Variants in KHNYN observed in about 807,000 individuals in gnomAD.
KHNYN encodes KH and NYN domain containing, also known as protein KHNYN.
A neutral mutation model predicts 62.7 loss-of-function variants in KHNYN; 42 were observed. The observed-to-expected ratio is 0.67, with a 90% CI of 0.52 to 0.87. KHNYN has a LOEUF of 0.87. Among genes scored for constraint, KHNYN ranks in the 40% least tolerant of loss-of-function variants. The pLI is 0.00. For missense variants in KHNYN, 829 were observed against 874.1 expected, an observed-to-expected ratio of 0.95 and a Z score of 0.65; for synonymous variants, 347 against 345.6, an observed-to-expected ratio of 1.00 and a Z score of -0.04.
upstream of KHNYN, chr14:24,428,412 G>T (rs1003624867): frequency 6.2e-7 from 1 of 1,613,708 alleles, no homozygotes; most frequent in East Asian, 2.2e-5. Context: ...GGACCTGGGG[G>T]AAGCAGAGCC....
At position 24,432,978 on chromosome 14, in the gene KHNYN, C is replaced by G. The variant is rs2043147803; in HGVS notation, c.1523C>G (p.Ser508Cys). Residue 508 changes from serine (S) to cysteine (C), a missense_variant, in exon 5 of 8, where the codon TCC (serine) becomes TGC (cysteine). Ser to Cys is a moderately radical substitution (Grantham distance 112). This residue lies in a region of KHNYN where 270 missense variants were observed against 347.1 expected (regional missense o/e 0.78). Transcript: ENST00000553935. This position sits in a 1 kb window ranked among gnomAD's most constrained non-coding sequence, Gnocchi z 5.6. ...AAGCTGTATTCCCTCAGCCTGCTCT[C>G]CCTCACACCCTCACGAGTCATGGAT... ...LQKLYSLSLL[S>C]LTPSRVMDGK... 1 of 1,614,106 alleles carries G rather than the reference C, an allele frequency of 6.2e-7. No individual in the cohort carries two copies. The highest frequency in any genetic ancestry group is 8.5e-7 in the Non-Finnish European group (1 of 1,180,038).
rs1307088367 is a variant in KHNYN, at chr14:24,432,100, CGTG to C, written c.841_843del (p.Trp281del). The C allele has an allele frequency of 5.1e-6, 8 of 1,556,916 alleles. No homozygotes were observed. In the South Asian group the frequency reaches 9.8e-5, roughly 19 times the overall value. On this transcript the variant is annotated inframe_deletion, in exon 3 of 8. Coordinates refer to ENST00000553935, the MANE Select transcript of KHNYN (RefSeq NM_015299.3). This position sits in a 1 kb window ranked among gnomAD's most constrained non-coding sequence, Gnocchi z 5.6. ...TGGAAGGAGTTGCCTGGGGAAGAGG[CGTG>C]GGAGAGAGAAGTGGCCCTCAGGCCA... is the stretch of plus-strand genomic sequence containing the variant.
upstream of KHNYN, chr14:24,427,825 G>A (rs1566492895): frequency 1.9e-6 from 3 of 1,614,148 alleles, no homozygotes; most frequent in Non-Finnish European, 2.5e-6. The surrounding 1 kb of genome is among the most constrained non-coding windows in gnomAD (Gnocchi z 4.4). Context: ...AGAAACTTGA[G>A]TATTTCCAAC....
intron 2 of KHNYN, 32 bp downstream of exon 2, chr14:24,430,963 C>T: frequency 6.3e-7 from 1 of 1,584,344 alleles, no homozygotes; most frequent in African/African-American, 1.3e-5. Flanking sequence ...TCCCTCCAGG[C>T]ACCAAGGACG....
chr14:24,440,860 A>G lies in KHNYN; in HGVS notation c.*3575A>G. The G allele has an allele frequency of 6.2e-7, 1 of 1,613,924 alleles. No individual in the cohort carries two copies. The highest frequency in any genetic ancestry group is 1.3e-5 in the African/African-American group (1 of 75,014). ...TTCCCATTTGGTTACGAGGTTGGAG[A>G]AAAAGTCAAAGTCCCCTCCTGGGCT... On this transcript the variant is annotated 3_prime_UTR_variant, in exon 8 of 8. Transcript: ENST00000553935.
At chr14:24,424,195 C>T in the KHNYN span, among the ~76,000 whole-genome samples, 1 of 152,290 alleles carries the variant, frequency 6.6e-6, no homozygotes, top group Non-Finnish European at 1.5e-5. Flanking sequence ...TATCTCAGCT[C>T]AGGGCAATTT....
rs1335541860 is a variant in KHNYN at position 24,438,639 on chromosome 14, A to G, written c.*1354A>G. 1 of 152,206 alleles carries G rather than the reference A, an allele frequency of 6.6e-6. No homozygotes were observed. The highest frequency in any genetic ancestry group is 1.5e-5 in the Non-Finnish European group (1 of 68,038). 9.4% of individuals were successfully genotyped at this position (152,206 alleles called of 1,614,324 possible). A position where few individuals can be genotyped will look rare whatever the true frequency, so the allele number is the denominator to read the frequency against. On this transcript the variant is annotated 3_prime_UTR_variant, in exon 8 of 8. Transcript: ENST00000553935. ...GAATTTACTATCTCCAGGGTAGCAC[A>G]TTCCCTGTGTAGACGGTATTAATCA...
At chr14:24,429,950 A>ATT, upstream of KHNYN, 1 of 995,272 alleles carries the variant, frequency 1.0e-6, no homozygotes, top group Non-Finnish European at 1.2e-6. Context: ...GTGACTCAAG[A>ATT]AACAGTTTGC....
chr14:24,428,388 G>A (rs1217283907), upstream of KHNYN: 5 of 1,613,854 alleles, frequency 3.1e-6, no homozygotes, highest in South Asian at 3.3e-5. Flanking sequence ...CAAAGCCACC[G>A]CCCTCGTTCA....
chr14:24,434,329 T>C lies in KHNYN; in HGVS notation c.1577+1297T>C, dbSNP rs536402403. On this transcript the variant is annotated intron_variant, in intron 5 of 7. Transcript: ENST00000553935. ...ACGGAATGAATGTTGCTGAACAACA[T>C]ACTGTGTAATGCGATCATAGTAAAA... is the stretch of plus-strand genomic sequence containing the variant. 3.0e-6 allele frequency: 3 copies of C among 985,352 alleles called. No individual in the cohort carries two copies. In the South Asian group the frequency reaches 1.4e-4, roughly 46 times the overall value. The allele number at this position is 985,352 out of a possible 1,614,324, so 61.0% of individuals were successfully genotyped here.
intron 7 of KHNYN, 140 bp from the exon 8 acceptor site, chr14:24,436,896 C>T: frequency 3.6e-6 from 4 of 1,125,422 alleles, no homozygotes; most frequent in Non-Finnish European, 5.1e-6. Context: ...GATACTGCCA[C>T]TCAGTGGTCA....
At chr14:24,427,847 T>C (rs1396221751), upstream of KHNYN, 7 of 1,614,042 alleles carry the variant, frequency 4.3e-6, no homozygotes, top group African/African-American at 1.3e-5. The surrounding 1 kb of genome is among the most constrained non-coding windows in gnomAD (Gnocchi z 4.4). Flanking sequence ...ACCCAGTAGA[T>C]TCCCCCGACG....
upstream of KHNYN, chr14:24,429,111 C>T (rs112261621): frequency 1.4e-3 from 1,981 of 1,448,558 alleles, 23 homozygotes; most frequent in African/African-American, 0.023. Flanking sequence ...CTTCTGTTTC[C>T]GCTCCTCTCC....
the KHNYN span, among the ~76,000 whole-genome samples, chr14:24,423,233 G>A: frequency 4.9e-3 from 750 of 152,316 alleles, 5 homozygotes; most frequent in African/African-American, 0.017. Context: ...AGATAGAGCT[G>A]AGGATAACTA....
the KHNYN span, among the ~76,000 whole-genome samples, chr14:24,424,202 AT>A: frequency 6.6e-6 from 1 of 152,250 alleles, no homozygotes; most frequent in African/African-American, 2.4e-5. Context: ...GCTCAGGGCA[AT>A]TTTTGAATTT....
intron 6 of KHNYN, 77 bp from the exon 7 acceptor site, chr14:24,436,311 T>C (rs2043203454): frequency 2.8e-6 from 4 of 1,435,270 alleles, no homozygotes; most frequent in South Asian, 1.2e-5. Flanking sequence ...CAGCAGCTTC[T>C]GGTGATACTG....
rs1046266616 is a variant in KHNYN at position 24,440,059 on chromosome 14, C to T, written c.*2774C>T. On this transcript the variant is annotated 3_prime_UTR_variant, in exon 8 of 8. Transcript: ENST00000553935. ...AACCTGGAAGCCTGTGAGGAACAGG[C>T]CTCAGGCCCTTGCCACGACCTACTT... The T allele has an allele frequency of 1.6e-5, 25 of 1,565,056 alleles. No individual in the cohort carries two copies. The highest frequency in any genetic ancestry group is 2.2e-5 in the Non-Finnish European group (25 of 1,150,856).
At chr14:24,423,562 T>C in the KHNYN span, among the ~76,000 whole-genome samples, 1 of 152,196 alleles carries the variant, frequency 6.6e-6, no homozygotes, top group Non-Finnish European at 1.5e-5. Flanking sequence ...TGTCTGCCGC[T>C]GACCATGGGC....
upstream of KHNYN, chr14:24,428,039 C>T (rs1041137362): frequency 3.9e-6 from 6 of 1,549,132 alleles, no homozygotes; most frequent in African/African-American, 8.2e-5. Flanking sequence ...GCTCAGGACC[C>T]CCCACTTTCC....
Sources: allele counts gnomAD v4.1 joint callset (sites outside exome capture counted in the v4.1 genomes callset), GRCh38; gene constraint gnomAD v4.1.1; regional missense constraint gnomAD v4.1.1; non-coding constraint Gnocchi (gnomAD v3.1); transcripts MANE v1.5; gene names NCBI Gene and HGNC (gene_info 2026-07-23, HGNC 2026-07-21).